The following DMXL1 variants were observed in gnomAD, a reference collection of about 807,000 sequenced individuals.
The protein encoded by DMXL1 is dmX-like protein 1.
DMXL1 carries 99 observed loss-of-function variants against 319.2 expected under a neutral mutation model. That is an observed-to-expected ratio of 0.31 (90% confidence interval 0.26 to 0.37). The LOEUF (loss-of-function observed/expected upper bound fraction) is 0.37. Ranked by LOEUF, DMXL1 falls within the 10% of genes least tolerant of loss-of-function variation. The pLI, the probability that DMXL1 is intolerant of heterozygous loss-of-function variation, is 1.00. For missense variants in DMXL1, 3,745 were observed against 3,595.6 expected (o/e 1.04, Z -1.06); for synonymous variants, 1,385 against 1,235.2 (o/e 1.12, Z -2.54).
At chr5:119,127,818 A>T in intron 9 of DMXL1, 2 of 269,168 alleles carry the variant, frequency 7.4e-6, no homozygotes, top group Non-Finnish European at 1.5e-5. Context: ...ATGTTCTTAG[A>T]TTTCTTTCAT....
At chr5:119,124,245 G>A (rs1762973598) in intron 9 of DMXL1, among the ~76,000 whole-genome samples, 3 of 151,304 alleles carry the variant, frequency 2.0e-5, no homozygotes, top group Non-Finnish European at 4.4e-5. Context: ...AACCTGGAAG[G>A]CAGAGGTTGT....
At chr5:119,136,615 C>CG (rs1766044921) in intron 13 of DMXL1, among the ~76,000 whole-genome samples, 1 of 152,274 alleles carries the variant, frequency 6.6e-6, no homozygotes, top group African/African-American at 2.4e-5. Context: ...GGCCCAGCTG[C>CG]TCTGTGCAGC....
intron 1 of DMXL1, among the ~76,000 whole-genome samples, chr5:119,095,537 A>G (rs1183202463): frequency 6.6e-6 from 1 of 152,260 alleles, no homozygotes. Context: ...AATTTCAGGT[A>G]CAACAAAGGT....
intron 19 of DMXL1, among the ~76,000 whole-genome samples, chr5:119,154,135 A>G (rs770245530): frequency 6.6e-6 from 1 of 152,156 alleles, no homozygotes; most frequent in South Asian, 2.1e-4. Context: ...AGACCTCCCT[A>G]TTCACTGAGA....
chr5:119,072,377 A>G (rs1181683662), intron 1 of DMXL1, among the ~76,000 whole-genome samples: 2 of 152,080 alleles, frequency 1.3e-5, no homozygotes, highest in African/African-American at 2.4e-5. Flanking sequence ...TTTAATAACA[A>G]TTTCAAAATA....
At chr5:119,150,508 G>A in intron 18 of DMXL1, 87 bp downstream of exon 18, 2 of 1,404,218 alleles carry the variant, frequency 1.4e-6, no homozygotes, top group Non-Finnish European at 1.9e-6. Flanking sequence ...GATGCCATTG[G>A]CTAGGCACAG....
chr5:119,169,493 A>G (rs1774127781), intron 23 of DMXL1, among the ~76,000 whole-genome samples: 1 of 152,154 alleles, frequency 6.6e-6, no homozygotes, highest in South Asian at 2.1e-4. Context: ...ATTGTTTTAG[A>G]TCATGGAGCT....
At chr5:119,129,885 A>G (rs1339775206) in intron 10 of DMXL1, among the ~76,000 whole-genome samples, 1 of 152,226 alleles carries the variant, frequency 6.6e-6, no homozygotes, top group Non-Finnish European at 1.5e-5. Context: ...GTTAGAGAGA[A>G]AGAAAGCATA....
chr5:119,197,787 G>C lies in DMXL1; in HGVS notation c.7576G>C (p.Val2526Leu). ...AGTTAGTTCACCTCTTTGTCATGCGGTTCTAAAAACTCTTCAATGTTGGGA... is the reference window on the plus strand; with the variant it reads ...AGTTAGTTCACCTCTTTGTCATGCGCTTCTAAAAACTCTTCAATGTTGGGA... ...LPVSSPLCHAVLKTLQCWEQV... is the reference protein window; with the variant it reads ...LPVSSPLCHALLKTLQCWEQV... Residue 2526 changes from valine to leucine, a missense_variant, in exon 32 of 44, where the codon GTT becomes CTT. Coordinates refer to ENST00000539542, the MANE Select transcript of DMXL1 (RefSeq NM_001290321.3). 6.2e-7 allele frequency: 1 copy of C among 1,614,028 alleles called. No homozygotes were observed. The highest frequency in any genetic ancestry group is 8.5e-7 in the Non-Finnish European group (1 of 1,179,988).
intron 2 of DMXL1, among the ~76,000 whole-genome samples, chr5:119,099,118 T>G (rs146490026): frequency 6.6e-6 from 1 of 152,322 alleles, no homozygotes; most frequent in Admixed American, 6.5e-5. Context: ...AGGCCTCTTA[T>G]GACTTCTCGC....
At chr5:119,082,764 T>G (rs1317052807) in intron 1 of DMXL1, among the ~76,000 whole-genome samples, 1 of 152,250 alleles carries the variant, frequency 6.6e-6, no homozygotes, top group Non-Finnish European at 1.5e-5. Flanking sequence ...TACAATAGAT[T>G]ATTGTAAACT....
At chr5:119,202,881 ATT>A (rs1554139411) in intron 32 of DMXL1, among the ~76,000 whole-genome samples, 999 of 89,108 alleles carry the variant, frequency 0.011, 7 homozygotes, top group Middle Eastern at 0.023. Context: ...ATATATATAT[ATT>A]TTTATATATA....
chr5:119,189,352 A>G (rs1286753984), intron 28 of DMXL1, among the ~76,000 whole-genome samples: 1 of 152,192 alleles, frequency 6.6e-6, no homozygotes, highest in African/African-American at 2.4e-5. Context: ...CTGACATCCC[A>G]TGATAATCTT....
At chr5:119,206,791 T>C in intron 33 of DMXL1, 43 bp from the exon 34 acceptor site, 1 of 1,231,150 alleles carries the variant, frequency 8.1e-7, no homozygotes, top group Non-Finnish European at 1.1e-6. Flanking sequence ...ATGTTACATC[T>C]CATCTTTACT....
rs768832674 is a variant in DMXL1 at position 119,120,998 on chromosome 5, CGGA to C, written c.966_968del (p.Arg323del). The stretch of plus-strand genomic sequence containing the variant: ...AAATCTGAGACATTTTCGTAGAGGT[CGGA>C]GGAGATCACTTGCTCTTGTAGCACA... On this transcript the variant is annotated inframe_deletion, in exon 9 of 44. Coordinates refer to ENST00000539542, the MANE Select transcript of DMXL1 (RefSeq NM_001290321.3). 2.7e-5 allele frequency: 43 copies of C among 1,611,870 alleles called. No homozygotes were observed. Among genetic ancestry groups the C allele is most frequent in the Non-Finnish European group, 3.1e-5 (36 of 1,179,460 alleles).
chr5:119,226,253 A>G (rs758052412), intron 38 of DMXL1, among the ~76,000 whole-genome samples: 3 of 151,948 alleles, frequency 2.0e-5, no homozygotes, highest in Non-Finnish European at 4.4e-5. Flanking sequence ...TAATTACTGG[A>G]TTTTTTTTCC....
intron 7 of DMXL1, among the ~76,000 whole-genome samples, chr5:119,118,550 A>G (rs950228637): frequency 2.0e-5 from 3 of 152,134 alleles, no homozygotes; most frequent in Non-Finnish European, 4.4e-5. Context: ...CAGGAGTTTG[A>G]GAGCACCCTG....
chr5:119,128,174 C>A, intron 9 of DMXL1: 1 of 475,594 alleles, frequency 2.1e-6, no homozygotes, highest in South Asian at 1.6e-5. Flanking sequence ...TTGCATAGTT[C>A]CACCTGCACG....
chr5:119,164,577 A>T lies in DMXL1; in HGVS notation c.4773A>T (p.Pro1591=). 1 of 1,614,196 alleles carries T rather than the reference A, an allele frequency of 6.2e-7. No individual in the cohort carries two copies. The highest frequency in any genetic ancestry group is 8.5e-7 in the Non-Finnish European group (1 of 1,180,016). ...VAEEELLNML[P]AMQKDDPTWS... ...AAGAAGAACTGCTGAACATGTTGCC[A>T]GCCATGCAGAAAGATGATCCCACTT... is the stretch of plus-strand genomic sequence containing the variant. The change falls in exon 20 of 44, where the codon CCA becomes CCT. Residue 1591 remains proline (P), a synonymous_variant. Transcript: ENST00000539542.
Sources: gnomAD v4.1 joint callset for allele counts (sites outside exome capture counted in the v4.1 genomes callset) on GRCh38, gnomAD v4.1.1 for gene constraint, MANE v1.5 for transcripts, NCBI Gene and HGNC (gene_info 2026-07-23, HGNC 2026-07-21) for gene names.